The following RIMBP2 variants were observed in gnomAD, a reference collection of about 807,000 sequenced individuals.
The protein encoded by RIMBP2 is RIMS-binding protein 2.
In RIMBP2, 48 loss-of-function variants were observed where a neutral mutation model predicts 118.6. The observed-to-expected ratio is 0.40, with a 90% CI of 0.32 to 0.51. RIMBP2 has a LOEUF of 0.51. Ranked by LOEUF, RIMBP2 falls within the 20% of genes least tolerant of loss-of-function variation. The probability of loss-of-function intolerance (pLI) is 0.41; values close to 1 mark genes in which losing one functional copy is unlikely to be tolerated. For synonymous variants in RIMBP2, 762 were observed against 742.9 expected, an observed-to-expected ratio of 1.03 and a Z score of -0.42; for missense variants, 1,551 against 1,768.3, an observed-to-expected ratio of 0.88 and a Z score of 2.20.
In RIMBP2 at chr12:130,438,411, T is replaced by C. The variant is rs144365410; in HGVS notation, c.1610A>G (p.Asn537Ser). The change falls in exon 12 of 23, where the codon AAT becomes AGT. Residue 537 changes from asparagine (N) to serine (S), a missense_variant. Transcript: ENST00000690449. ...PPVLTPTGLS[N>S]GANVTGYGVY... ...GCCGTAGCCGGTAACGTTTGCGCCA[T>C]TGGACAGCCCGGTGGGCGTCAGCAC... 7.7e-5 allele frequency: 112 copies of C among 1,457,966 alleles called. No homozygotes were observed. Among genetic ancestry groups the C allele is most frequent in the African/African-American group, 6.1e-4 (42 of 68,554 alleles). The allele number at this position is 1,457,966 out of a possible 1,614,324, so 90.3% of individuals were successfully genotyped here.
At chr12:130,407,693 T>C (rs768365469) in intron 20 of RIMBP2, 33 bp downstream of exon 20, 3 of 1,529,380 alleles carry the variant, frequency 2.0e-6, no homozygotes, top group Non-Finnish European at 1.8e-6. Context: ...GGTGTGGTTG[T>C]GTCCGTCATG....
In RIMBP2 at chr12:130,422,068, G is replaced by A. The variant is rs1182404721; in HGVS notation, c.3238+385C>T. On this transcript the variant is annotated intron_variant, in intron 17 of 22. Transcript: ENST00000690449. This position sits in a 1 kb window ranked among gnomAD's most constrained non-coding sequence, Gnocchi z 5.2. ...TCTGCAGACAGGCAGCATTCCCTCG[G>A]GTGGGGCTCACAGACCCCTGAGGCA... Among the ~76,000 whole-genome samples, 1 of 152,154 alleles carries A rather than the reference G, an allele frequency of 6.6e-6. No individual in the cohort carries two copies. The highest frequency in any genetic ancestry group is 1.9e-4 in the East Asian group (1 of 5,164).
At chr12:130,626,315 C>T (rs2140902389) in intron 2 of RIMBP2, among the ~76,000 whole-genome samples, 2 of 152,334 alleles carry the variant, frequency 1.3e-5, no homozygotes, top group East Asian at 1.9e-4. Context: ...TCATTATCAC[C>T]ACGACTACCG....
chr12:130,410,511 C>T (rs2075628593), intron 19 of RIMBP2, among the ~76,000 whole-genome samples: 1 of 152,240 alleles, frequency 6.6e-6, no homozygotes, highest in Non-Finnish European at 1.5e-5. Flanking sequence ...ATACTTGAAA[C>T]TATGATCCAT....
chr12:130,672,779 T>C (rs374333706), intron 1 of RIMBP2, among the ~76,000 whole-genome samples: 12 of 152,320 alleles, frequency 7.9e-5, no homozygotes, highest in African/African-American at 2.9e-4. Context: ...ATTTCTTTTC[T>C]CAAGACAACT....
intron 11 of RIMBP2, among the ~76,000 whole-genome samples, chr12:130,441,562 G>A (rs937103476): frequency 5.3e-5 from 8 of 152,016 alleles, no homozygotes; most frequent in Admixed American, 2.6e-4. Flanking sequence ...AGATGTAACC[G>A]TGTCCCCTGG....
At chr12:130,654,964 G>C (rs1194623512) in intron 1 of RIMBP2, among the ~76,000 whole-genome samples, 1 of 152,238 alleles carries the variant, frequency 6.6e-6, no homozygotes, top group African/African-American at 2.4e-5. Flanking sequence ...CCCAGGGATA[G>C]TGCCCAGCCA....
chr12:130,538,642 T>C (rs887013418), intron 2 of RIMBP2, among the ~76,000 whole-genome samples: 49 of 152,236 alleles, frequency 3.2e-4, no homozygotes, highest in Non-Finnish European at 6.2e-4. Flanking sequence ...AATAAGCAAG[T>C]ATGTTTTCTG....
intron 2 of RIMBP2, among the ~76,000 whole-genome samples, chr12:130,597,432 C>T (rs994618914): frequency 1.2e-4 from 19 of 152,088 alleles, no homozygotes; most frequent in African/African-American, 4.1e-4. Flanking sequence ...TTAGTAGAGA[C>T]GGGATTTCAC....
chr12:130,636,704 G>A (rs2141003249), intron 1 of RIMBP2, among the ~76,000 whole-genome samples: 1 of 152,282 alleles, frequency 6.6e-6, no homozygotes. Flanking sequence ...ATGTCAGCCT[G>A]GCGTTACAGA....
At chr12:130,504,546 G>A (rs1374067525) in intron 4 of RIMBP2, among the ~76,000 whole-genome samples, 1 of 152,158 alleles carries the variant, frequency 6.6e-6, no homozygotes, top group East Asian at 1.9e-4. Flanking sequence ...AGCAGCCCTT[G>A]CAGCTGGAAA....
intron 4 of RIMBP2, among the ~76,000 whole-genome samples, chr12:130,500,547 G>T (rs1302687491): frequency 6.6e-6 from 1 of 152,174 alleles, no homozygotes; most frequent in Non-Finnish European, 1.5e-5. Context: ...AGGGCACGTT[G>T]TCTTTAGCTA....
At chr12:130,628,724 C>T (rs982629248) in intron 1 of RIMBP2, among the ~76,000 whole-genome samples, 7 of 152,156 alleles carry the variant, frequency 4.6e-5, no homozygotes, top group Admixed American at 3.9e-4. Context: ...TGACATGAAG[C>T]TTTTGTGACT....
chr12:130,504,958 C>T (rs192311644), intron 4 of RIMBP2, among the ~76,000 whole-genome samples: 14 of 152,326 alleles, frequency 9.2e-5, no homozygotes, highest in Admixed American at 7.8e-4. Flanking sequence ...TTTAATCCAA[C>T]AGACTCTCCG....
chr12:130,700,288 G>T (rs1310152047), intron 1 of RIMBP2, among the ~76,000 whole-genome samples: 2 of 152,142 alleles, frequency 1.3e-5, no homozygotes, highest in Admixed American at 1.3e-4. Context: ...TCCCCGGAAA[G>T]ATGCCTGGAG....
chr12:130,659,485 C>T (rs894594750), intron 1 of RIMBP2, among the ~76,000 whole-genome samples: 6 of 151,372 alleles, frequency 4.0e-5, no homozygotes, highest in Middle Eastern at 3.4e-3. Flanking sequence ...AGGAGAATGG[C>T]GTGAACCCGG....
intron 11 of RIMBP2, 33 bp downstream of exon 11, chr12:130,441,815 C>A: frequency 6.3e-7 from 1 of 1,593,182 alleles, no homozygotes; most frequent in South Asian, 1.1e-5. Flanking sequence ...GCGTTCTCTC[C>A]CTGGGGGACC....
At chr12:130,575,345 C>A (rs1467207311) in intron 2 of RIMBP2, among the ~76,000 whole-genome samples, 1 of 151,398 alleles carries the variant, frequency 6.6e-6, no homozygotes, top group Non-Finnish European at 1.5e-5. Flanking sequence ...AAGAAACACA[C>A]TTGAGAGGTT....
At chr12:130,398,603 G>C (rs560287494) in intron 22 of RIMBP2, 3 of 152,590 alleles carry the variant, frequency 2.0e-5, no homozygotes, top group African/African-American at 7.2e-5. Context: ...TAGCTCTCTC[G>C]TAAGGTAGAG....
Sources: gnomAD v4.1 joint callset for allele counts (sites outside exome capture counted in the v4.1 genomes callset) on GRCh38, gnomAD v4.1.1 for gene constraint, Gnocchi (gnomAD v3.1) non-coding constraint, MANE v1.5 for transcripts, NCBI Gene and HGNC (gene_info 2026-07-23, HGNC 2026-07-21) for gene names.